The following PTPRR variants were observed in gnomAD, a reference collection of about 807,000 sequenced individuals.
PTPRR encodes the protein receptor-type tyrosine-protein phosphatase R.
A neutral mutation model predicts 77.2 loss-of-function variants in PTPRR; 38 were observed. The observed-to-expected ratio is 0.49, with a 90% CI of 0.38 to 0.65. The LOEUF (loss-of-function observed/expected upper bound fraction) is 0.65. Among genes scored for constraint, PTPRR ranks in the 30% least tolerant of loss-of-function variants. The probability of loss-of-function intolerance (pLI) is 0.00; values close to 1 mark genes in which losing one functional copy is unlikely to be tolerated. For synonymous variants in PTPRR, 299 were observed against 283.1 expected, an observed-to-expected ratio of 1.06 and a Z score of -0.57; for missense variants, 744 against 799.2, an observed-to-expected ratio of 0.93 and a Z score of 0.83.
chr12:70,867,742 C>T (rs1892881196), intron 2 of PTPRR, among the ~76,000 whole-genome samples: 1 of 152,094 alleles, frequency 6.6e-6, no homozygotes, highest in African/African-American at 2.4e-5. Context: ...AATCCTAAGC[C>T]AGAAGAACAA....
At chr12:70,886,955 C>T (rs1893250325) in intron 2 of PTPRR, among the ~76,000 whole-genome samples, 1 of 152,132 alleles carries the variant, frequency 6.6e-6, no homozygotes, top group Non-Finnish European at 1.5e-5. Context: ...TTCATAAGTA[C>T]TAAGAAGAAA....
At chr12:70,793,900 T>C (rs1891465117) in intron 2 of PTPRR, among the ~76,000 whole-genome samples, 1 of 152,234 alleles carries the variant, frequency 6.6e-6, no homozygotes, top group Non-Finnish European at 1.5e-5. Flanking sequence ...GCTGGTATCA[T>C]TGTCTACCAA....
intron 1 of PTPRR, among the ~76,000 whole-genome samples, chr12:70,914,466 A>G (rs1003875085): frequency 2.4e-4 from 36 of 152,206 alleles, no homozygotes. Context: ...AGGCAGTGAC[A>G]TGATCATGGA....
chr12:70,680,136 T>C (rs1239878845), intron 10 of PTPRR, among the ~76,000 whole-genome samples: 1 of 152,226 alleles, frequency 6.6e-6, no homozygotes, highest in East Asian at 1.9e-4. Context: ...TTAACTTTGG[T>C]CACATACAAA....
chr12:70,892,967 T>A lies in PTPRR; in HGVS notation c.69A>T (p.Ser23=). Reference sequence around the variant, plus strand: ...TTGCCAAAAAATGATCATTGTTTCCTGAAAAGCACCCTGAAAGAGGGAAGA... The same window carrying A: ...TTGCCAAAAAATGATCATTGTTTCCAGAAAAGCACCCTGAAAGAGGGAAGA... ...LLNLHAAGCF[S]GNNDHFLAIN... The change falls in exon 2 of 14, where the codon TCA becomes TCT. Residue 23 remains serine, a synonymous_variant. Coordinates refer to ENST00000283228, the MANE Select transcript of PTPRR (RefSeq NM_002849.4). 1 of 1,612,360 alleles carries A rather than the reference T, an allele frequency of 6.2e-7. No individual in the cohort carries two copies. The highest frequency in any genetic ancestry group is 8.5e-7 in the Non-Finnish European group (1 of 1,178,946).
intron 2 of PTPRR, among the ~76,000 whole-genome samples, chr12:70,839,788 C>T (rs1172436303): frequency 2.6e-5 from 4 of 152,288 alleles, no homozygotes; most frequent in African/African-American, 4.8e-5. Flanking sequence ...TCGCTTCTCT[C>T]CTCCTGTGGA....
At chr12:70,899,405 G>A (rs1398666897) in intron 1 of PTPRR, among the ~76,000 whole-genome samples, 1 of 151,314 alleles carries the variant, frequency 6.6e-6, no homozygotes, top group African/African-American at 2.4e-5. Flanking sequence ...GGGAATGTAG[G>A]GCTGCTTCAA....
At chr12:70,754,152 G>C in intron 5 of PTPRR, 39 bp downstream of exon 5, 1 of 1,588,220 alleles carries the variant, frequency 6.3e-7, no homozygotes, top group African/African-American at 1.4e-5. Context: ...CAAGCAGTGG[G>C]CTGAGCAAAG....
At chr12:70,644,554 A>G (rs1488349077) in intron 13 of PTPRR, among the ~76,000 whole-genome samples, 1 of 152,252 alleles carries the variant, frequency 6.6e-6, no homozygotes, top group African/African-American at 2.4e-5. Flanking sequence ...TGCGACAATA[A>G]AAACAATAGT....
At chr12:70,887,917 G>C (rs1407476413) in intron 2 of PTPRR, among the ~76,000 whole-genome samples, 3 of 152,260 alleles carry the variant, frequency 2.0e-5, no homozygotes, top group African/African-American at 7.2e-5. Context: ...TTAGGCAAGA[G>C]TTCTGGGAAT....
chr12:70,873,427 C>G (rs758630063), intron 2 of PTPRR, among the ~76,000 whole-genome samples: 1 of 152,118 alleles, frequency 6.6e-6, no homozygotes, highest in East Asian at 1.9e-4. Context: ...TCTTAAAATC[C>G]TTTTTATTGT....
At chr12:70,656,624 G>T in intron 13 of PTPRR, 80 bp downstream of exon 13, 1 of 974,838 alleles carries the variant, frequency 1.0e-6, no homozygotes, top group Non-Finnish European at 1.6e-6. Flanking sequence ...AGCCTGAGAT[G>T]TTTATGCATG....
intron 6 of PTPRR, among the ~76,000 whole-genome samples, chr12:70,715,871 T>G (rs12827580): frequency 6.6e-6 from 1 of 152,120 alleles, no homozygotes; most frequent in Non-Finnish European, 1.5e-5. Context: ...TGAGGCGACA[T>G]ACATCCTTCT....
At chr12:70,905,817 C>T (rs1000255884) in intron 1 of PTPRR, among the ~76,000 whole-genome samples, 1 of 151,756 alleles carries the variant, frequency 6.6e-6, no homozygotes, top group Non-Finnish European at 1.5e-5. Flanking sequence ...ACAGTGGTCT[C>T]CAAAGAGACT....
At chr12:70,755,092 A>G (rs1212381674) in intron 4 of PTPRR, among the ~76,000 whole-genome samples, 1 of 152,168 alleles carries the variant, frequency 6.6e-6, no homozygotes, top group East Asian at 1.9e-4. Flanking sequence ...CACATTGACT[A>G]AAATCCATTC....
chr12:70,872,710 A>AAAAAAAAAAAC, intron 2 of PTPRR, among the ~76,000 whole-genome samples: 1 of 149,068 alleles, frequency 6.7e-6, no homozygotes, highest in Non-Finnish European at 1.5e-5. Flanking sequence ...AAAAAAAAAA[A>AAAAAAAAAAAC]AAAAAAAAAA....
chr12:70,686,158 C>T (rs1887861446), intron 8 of PTPRR, among the ~76,000 whole-genome samples: 1 of 152,162 alleles, frequency 6.6e-6, no homozygotes, highest in African/African-American at 2.4e-5. Context: ...AAACTTCTCC[C>T]ATTCCCATAT....
At chr12:70,844,796 T>C (rs959212951) in intron 2 of PTPRR, among the ~76,000 whole-genome samples, 3 of 152,040 alleles carry the variant, frequency 2.0e-5, no homozygotes, top group Non-Finnish European at 4.4e-5. Flanking sequence ...AAAAAGTCAA[T>C]ACAATTTTTA....
chr12:70,883,257 A>G (rs753153140), intron 2 of PTPRR, among the ~76,000 whole-genome samples: 1 of 152,132 alleles, frequency 6.6e-6, no homozygotes, highest in African/African-American at 2.4e-5. Flanking sequence ...ACAAAACTCC[A>G]TCTCAAAAAA....
Sources: gnomAD v4.1 joint callset for allele counts (sites outside exome capture counted in the v4.1 genomes callset) on GRCh38, gnomAD v4.1.1 for gene constraint, MANE v1.5 for transcripts, NCBI Gene and HGNC (gene_info 2026-07-23, HGNC 2026-07-21) for gene names.